Variants in NCOR2 observed in about 807,000 individuals in gnomAD.
NCOR2 encodes nuclear receptor corepressor 2, also known as CTG repeat protein 26.
A neutral mutation model predicts 262.9 loss-of-function variants in NCOR2; 81 were observed. The observed-to-expected ratio is 0.31, with a 90% CI of 0.26 to 0.37. NCOR2 has a LOEUF of 0.37. Ranked by LOEUF, NCOR2 falls within the 10% of genes least tolerant of loss-of-function variation. The pLI, the probability that NCOR2 is intolerant of heterozygous loss-of-function variation, is 1.00. For synonymous variants in NCOR2, 1,659 were observed against 1,559.3 expected (o/e 1.06, Z -1.51); for missense variants, 3,385 against 3,621.4 (o/e 0.93, Z 1.68).
At chr12:124,444,440 G>A (rs968180191) in intron 7 of NCOR2, among the ~76,000 whole-genome samples, 2 of 152,192 alleles carry the variant, frequency 1.3e-5, no homozygotes, top group African/African-American at 2.4e-5. Context: ...AGGGGAGTCC[G>A]GTTGGACCCT....
At position 124,336,497 on chromosome 12, in the gene NCOR2, C is replaced by T. The variant is rs192620380; in HGVS notation, c.6115+256G>A. On this transcript the variant is annotated intron_variant, in intron 38 of 46. Transcript: ENST00000405201. ...GGCGCGGCCGGAGTAGTCGTCAGCG[C>T]GTGCAAACCGGCGAGGACGGATGGG... 3.1e-5 allele frequency: 27 copies of T among 878,732 alleles called. No homozygotes were observed. In the Admixed American group the frequency reaches 4.5e-4, roughly 15 times the overall value. 54.4% of individuals were successfully genotyped at this position (878,732 alleles called of 1,614,324 possible). A position where few individuals can be genotyped will look rare whatever the true frequency, so the allele number is the denominator to read the frequency against.
intron 1 of NCOR2, among the ~76,000 whole-genome samples, chr12:124,545,214 A>T (rs2051503171): frequency 6.6e-6 from 1 of 152,034 alleles, no homozygotes. Flanking sequence ...GAGGGAGCAG[A>T]GTCTCGGAGG....
intron 1 of NCOR2, among the ~76,000 whole-genome samples, chr12:124,521,116 T>G (rs2050160905): frequency 6.6e-6 from 1 of 150,600 alleles, no homozygotes. Flanking sequence ...AGGGGGGAGG[T>G]GGGGGCCAGA....
intron 4 of NCOR2, 106 bp from the exon 7 acceptor site, chr12:124,466,392 C>T (rs1011200236): frequency 2.7e-5 from 26 of 963,756 alleles, no homozygotes; most frequent in Middle Eastern, 3.0e-4. Flanking sequence ...GCCACGGCCG[C>T]GCACAGGAAG....
upstream of NCOR2, among the ~76,000 whole-genome samples, chr12:124,498,824 G>A (rs889581651): frequency 2.6e-5 from 4 of 152,180 alleles, no homozygotes; most frequent in African/African-American, 4.8e-5. Flanking sequence ...AACGAAGGAC[G>A]GCTGTGTCCT....
rs771565942 is a variant in NCOR2, at chr12:124,503,613, C to CGGAT, written c.-117-8249_-117-8246dup. The stretch of plus-strand genomic sequence containing the variant: ...ACGGATGGATGGATGGACGGACGGA[C>CGGAT]GGATGGATGGATGGATGGATGGGCG... On this transcript the variant is annotated intron_variant, in intron 1 of 46. Transcript: ENST00000404621. The surrounding 1 kb of genome is among the most constrained non-coding windows in gnomAD (Gnocchi z 4.3). 0.14 allele frequency among the ~76,000 whole-genome samples: 19,122 copies of CGGAT among 139,098 alleles called. 1,408 individuals are homozygous for CGGAT. The highest frequency in any genetic ancestry group is 0.2 in the Admixed American group (2,742 of 13,924). 91.3% of individuals were successfully genotyped at this position (139,098 alleles called of 152,430 possible).
At chr12:124,362,677 C>G (rs143188966) in intron 21 of NCOR2, among the ~76,000 whole-genome samples, 1 of 150,696 alleles carries the variant, frequency 6.6e-6, no homozygotes, top group African/African-American at 2.4e-5. Context: ...GGGGACCCAC[C>G]TCCCAGAACC....
intron 41 of NCOR2, among the ~76,000 whole-genome samples, chr12:124,333,533 A>T (rs2035423507): frequency 1.3e-5 from 2 of 151,984 alleles, no homozygotes; most frequent in South Asian, 4.2e-4. Flanking sequence ...CCCGGGCTAG[A>T]TCTGGCCCAT....
chr12:124,476,171 G>T (rs1252599324), intron 3 of NCOR2, among the ~76,000 whole-genome samples: 4 of 152,116 alleles, frequency 2.6e-5, no homozygotes, highest in Non-Finnish European at 5.9e-5. Flanking sequence ...GGCACCCCCG[G>T]GCCTTTGCAC....
intron 20 of NCOR2, among the ~76,000 whole-genome samples, chr12:124,368,785 G>A (rs1015455036): frequency 3.9e-5 from 6 of 152,184 alleles, no homozygotes; most frequent in East Asian, 1.9e-4. Flanking sequence ...CACTCATCCC[G>A]TAAACAATGG....
At chr12:124,376,998 C>A (rs1223220745) in intron 18 of NCOR2, among the ~76,000 whole-genome samples, 2 of 152,212 alleles carry the variant, frequency 1.3e-5, no homozygotes, top group Admixed American at 6.5e-5. Flanking sequence ...GCAGTCTAGA[C>A]CCCCAGCTTC....
chr12:124,420,471 G>A (rs1398299841), intron 12 of NCOR2, among the ~76,000 whole-genome samples: 3 of 152,040 alleles, frequency 2.0e-5, no homozygotes, highest in South Asian at 2.1e-4. Context: ...ACATAGGTCC[G>A]GGTTCTCTTT....
chr12:124,362,056 A>G (rs772023775), intron 22 of NCOR2, 70 bp downstream of exon 24: 151 of 1,218,404 alleles, frequency 1.2e-4, no homozygotes, highest in Non-Finnish European at 1.5e-4. Context: ...GCTGCTCTAG[A>G]CACACAAACA....
chr12:124,405,432 C>T (rs2042224124), intron 13 of NCOR2, among the ~76,000 whole-genome samples: 1 of 152,220 alleles, frequency 6.6e-6, no homozygotes. Context: ...CCTTCTGGGC[C>T]ACCCTGCAGC....
Position 124,325,538 on chromosome 12 carries a change from G to A in NCOR2, c.7409C>T (p.Ala2470Val), listed in dbSNP as rs773493099. 1.5e-5 allele frequency: 20 copies of A among 1,336,288 alleles called. No individual in the cohort carries two copies. The highest frequency in any genetic ancestry group is 2.3e-4 in the Middle Eastern group (1 of 4,384). 82.8% of individuals were successfully genotyped at this position (1,336,288 alleles called of 1,614,324 possible). ...TGGGGGTGGGGAAGCCATGACACCC[G>A]CCTGCAGCCGCATGATCAGGGGGTT... Residue 2470 changes from alanine (A) to valine (V), a missense_variant, in exon 47 of 47, where the codon GCG (alanine) becomes GTG (valine). Ala to Val is a moderately conservative substitution (Grantham distance 64). This residue lies in a region of NCOR2 where 1,017 missense variants were observed against 967.2 expected (regional missense o/e 1.05). Transcript: ENST00000405201.
chr12:124,345,222 C>A (rs1004868409), intron 31 of NCOR2, among the ~76,000 whole-genome samples: 1 of 152,094 alleles, frequency 6.6e-6, no homozygotes, highest in Non-Finnish European at 1.5e-5. Context: ...CTCTCCCTGC[C>A]GCGAGTGGTG....
upstream of NCOR2, among the ~76,000 whole-genome samples, chr12:124,497,494 C>T (rs1009370538): frequency 6.6e-5 from 10 of 152,232 alleles, no homozygotes; most frequent in Admixed American, 5.9e-4. This position sits in a 1 kb window ranked among gnomAD's most constrained non-coding sequence, Gnocchi z 4.2. Context: ...AGGCGACAGC[C>T]GTCTAGCCCC....
At chr12:124,388,459 C>CCCAGGCACAGAT (rs2040982891) in intron 16 of NCOR2, among the ~76,000 whole-genome samples, 2 of 152,186 alleles carry the variant, frequency 1.3e-5, no homozygotes, top group Admixed American at 6.5e-5. Context: ...CACAGACCTT[C>CCCAGGCACAGAT]CCAGGCACAG....
At chr12:124,413,858 G>A (rs976794677) in intron 13 of NCOR2, among the ~76,000 whole-genome samples, 2 of 152,142 alleles carry the variant, frequency 1.3e-5, no homozygotes, top group African/African-American at 2.4e-5. Flanking sequence ...GCCAGCTGCT[G>A]TCCCCAGGAG....
Sources: allele counts gnomAD v4.1 joint callset (sites outside exome capture counted in the v4.1 genomes callset), GRCh38; gene constraint gnomAD v4.1.1; regional missense constraint gnomAD v4.1.1; non-coding constraint Gnocchi (gnomAD v3.1); transcripts MANE v1.5; gene names NCBI Gene and HGNC (gene_info 2026-07-23, HGNC 2026-07-21).